Variants in BCAS4 observed in about 807,000 individuals in gnomAD.
The protein encoded by BCAS4 is breast carcinoma-amplified sequence 4.
Under a neutral mutation model 15.7 loss-of-function variants are expected in BCAS4, and 9 were observed. The ratio of observed to expected loss-of-function variants is 0.57; its 90% CI spans 0.34 to 1.00. BCAS4 has a LOEUF of 1.00. Ranked by LOEUF, BCAS4 falls within the 50% of genes least tolerant of loss-of-function variation. The probability of loss-of-function intolerance (pLI) is 0.02; values close to 1 mark genes in which losing one functional copy is unlikely to be tolerated. For synonymous variants in BCAS4, 101 were observed against 99.5 expected (o/e 1.02, Z -0.09); for missense variants, 225 against 239.1 (o/e 0.94, Z 0.39).
intron 1 of BCAS4, among the ~76,000 whole-genome samples, chr20:50,816,404 A>G (rs567495576): frequency 1.3e-5 from 2 of 152,338 alleles, no homozygotes; most frequent in South Asian, 4.1e-4. Context: ...CACGTTCGTT[A>G]TTGGCTTAAT....
intron 1 of BCAS4, among the ~76,000 whole-genome samples, chr20:50,795,417 C>G (rs1022348898): frequency 6.6e-6 from 1 of 152,178 alleles, no homozygotes; most frequent in Non-Finnish European, 1.5e-5. Flanking sequence ...ACCCGGGTCC[C>G]CCAGCATCCG....
chr20:50,854,453 C>T (rs1207121157), intron 4 of BCAS4, among the ~76,000 whole-genome samples: 3 of 152,120 alleles, frequency 2.0e-5, no homozygotes, highest in Non-Finnish European at 4.4e-5. Flanking sequence ...GGACGCTCTG[C>T]GCTGACCTCA....
At chr20:50,818,165 C>G in intron 1 of BCAS4, 46 bp from the exon 2 acceptor site, 1 of 1,574,864 alleles carries the variant, frequency 6.3e-7, no homozygotes, top group African/African-American at 1.3e-5. Context: ...GTGTTTGTCT[C>G]CCTGGAAACC....
chr20:50,827,483 A>G (rs1297520120), intron 2 of BCAS4, among the ~76,000 whole-genome samples: 1 of 152,188 alleles, frequency 6.6e-6, no homozygotes. Flanking sequence ...AATCCTCTGC[A>G]CATATTAGGT....
At chr20:50,813,161 C>T (rs2088092791) in intron 1 of BCAS4, among the ~76,000 whole-genome samples, 2 of 152,136 alleles carry the variant, frequency 1.3e-5, no homozygotes, top group South Asian at 2.1e-4. Flanking sequence ...CATAAGTTGA[C>T]TCTGTGTTCC....
chr20:50,858,102 C>T (rs534613947), intron 4 of BCAS4, among the ~76,000 whole-genome samples: 2 of 152,168 alleles, frequency 1.3e-5, no homozygotes, highest in African/African-American at 2.4e-5. Context: ...ACCTCCACCC[C>T]ATCTTCATTC....
At chr20:50,812,809 A>G (rs1230957038) in intron 1 of BCAS4, among the ~76,000 whole-genome samples, 1 of 151,158 alleles carries the variant, frequency 6.6e-6, no homozygotes, top group Admixed American at 6.6e-5. Context: ...TTTCTTTTTT[A>G]TTTATTTTTA....
chr20:50,820,823 T>G (rs2088204316), intron 2 of BCAS4, among the ~76,000 whole-genome samples: 1 of 152,118 alleles, frequency 6.6e-6, no homozygotes. Context: ...AGATGCTTCA[T>G]GGAAAGATTT....
chr20:50,817,815 A>C (rs2123773656), intron 1 of BCAS4, among the ~76,000 whole-genome samples: 1 of 151,916 alleles, frequency 6.6e-6, no homozygotes, highest in East Asian at 1.9e-4. Context: ...GCAGGCTGTG[A>C]GGTTGTGGAC....
intron 3 of BCAS4, among the ~76,000 whole-genome samples, chr20:50,833,604 G>A (rs1015178039): frequency 4.6e-5 from 7 of 152,238 alleles, no homozygotes; most frequent in Non-Finnish European, 1.0e-4. Flanking sequence ...ATCTAGAGCT[G>A]CATAGCCTGG....
chr20:50,863,857 G>A (rs1458494500), intron 4 of BCAS4, among the ~76,000 whole-genome samples: 1 of 152,180 alleles, frequency 6.6e-6, no homozygotes, highest in Non-Finnish European at 1.5e-5. Flanking sequence ...CTGTTGGTTT[G>A]TTGCCCTGGG....
intron 4 of BCAS4, among the ~76,000 whole-genome samples, chr20:50,846,954 A>G (rs976482084): frequency 4.6e-5 from 7 of 152,040 alleles, no homozygotes; most frequent in African/African-American, 2.4e-5. Context: ...ATTAAGCCTC[A>G]GAGAGTCTGA....
chr20:50,821,037 A>G (rs2088208043), intron 2 of BCAS4, among the ~76,000 whole-genome samples: 3 of 152,198 alleles, frequency 2.0e-5, no homozygotes, highest in African/African-American at 7.2e-5. Context: ...ATCGGCCGCC[A>G]TGTCACGTGG....
At chr20:50,865,562 G>A (rs2067862697) in intron 4 of BCAS4, among the ~76,000 whole-genome samples, 1 of 152,168 alleles carries the variant, frequency 6.6e-6, no homozygotes, top group Admixed American at 6.5e-5. Flanking sequence ...CTGCCCCCTA[G>A]GGTCAGCATC....
chr20:50,818,920 C>T (rs554659497), intron 2 of BCAS4, among the ~76,000 whole-genome samples: 99 of 152,326 alleles, frequency 6.5e-4, no homozygotes, highest in African/African-American at 2.4e-3. Context: ...CAGTGGCTCA[C>T]ACCTGTAATC....
intron 1 of BCAS4, among the ~76,000 whole-genome samples, chr20:50,808,002 G>GGTTCACGCGATTCTCCTGC (rs1268615473): frequency 4.6e-5 from 7 of 151,350 alleles, no homozygotes; most frequent in African/African-American, 1.7e-4. Context: ...CCGCCTCCTG[G>GGTTCACGCGATTCTCCTGC]GTTCACGCGA....
intron 4 of BCAS4, among the ~76,000 whole-genome samples, chr20:50,860,770 G>C (rs1230706172): frequency 2.0e-5 from 3 of 152,138 alleles, no homozygotes; most frequent in African/African-American, 4.8e-5. Context: ...CAGCTACTCA[G>C]GAGGCTGAGG....
chr20:50,874,715 G>A (rs1228482059), intron 4 of BCAS4, among the ~76,000 whole-genome samples: 1 of 152,148 alleles, frequency 6.6e-6, no homozygotes, highest in Non-Finnish European at 1.5e-5. Context: ...CCTCTGCACT[G>A]GGGTCATGGT....
chr20:50,868,121 G>A (rs750510726), intron 4 of BCAS4, among the ~76,000 whole-genome samples: 51 of 152,282 alleles, frequency 3.3e-4, no homozygotes, highest in Admixed American at 6.5e-4. Context: ...GAGGAAGACC[G>A]CAGAGGTAAG....
Sources: allele counts gnomAD v4.1 joint callset (sites outside exome capture counted in the v4.1 genomes callset), GRCh38; gene constraint gnomAD v4.1.1; transcripts MANE v1.5; gene names NCBI Gene and HGNC (gene_info 2026-07-23, HGNC 2026-07-21).